The following CTNNBL1 variants were observed in gnomAD, a reference collection of about 807,000 sequenced individuals.
CTNNBL1 encodes beta-catenin-like protein 1.
In CTNNBL1, 31 loss-of-function variants were observed where a neutral mutation model predicts 72.7. The ratio of observed to expected loss-of-function variants is 0.43; its 90% confidence interval spans 0.32 to 0.58. The LOEUF (loss-of-function observed/expected upper bound fraction) is 0.58, where lower values mean the gene tolerates loss of function less well. Among genes scored for constraint, CTNNBL1 ranks in the 20% least tolerant of loss-of-function variants. The pLI is 0.08. For synonymous variants in CTNNBL1, 240 were observed against 267.3 expected (o/e 0.90, Z 1.00); for missense variants, 534 against 725.1 (o/e 0.74, Z 3.03).
chr20:37,796,944 T>C (rs1029686137), intron 10 of CTNNBL1, among the ~76,000 whole-genome samples: 2 of 152,176 alleles, frequency 1.3e-5, no homozygotes, highest in Non-Finnish European at 2.9e-5. Context: ...CATGGCCAAG[T>C]GTGAAGTCTG....
intron 1 of CTNNBL1, among the ~76,000 whole-genome samples, chr20:37,711,075 C>G (rs2072934011): frequency 6.6e-6 from 1 of 152,134 alleles, no homozygotes; most frequent in Non-Finnish European, 1.5e-5. Flanking sequence ...TGTGCCCTAC[C>G]CTAGCTGGAC....
At chr20:37,765,314 T>C in intron 6 of CTNNBL1, 24 bp downstream of exon 6, 2 of 1,432,488 alleles carry the variant, frequency 1.4e-6, no homozygotes, top group African/African-American at 2.8e-5. Context: ...TGCTTGCCAT[T>C]GCCTGAGTTG....
intron 1 of CTNNBL1, among the ~76,000 whole-genome samples, chr20:37,712,999 G>A (rs1259480967): frequency 6.6e-6 from 1 of 152,064 alleles, no homozygotes; most frequent in East Asian, 1.9e-4. Flanking sequence ...AGTTTCAAAG[G>A]GCTGCTAAGC....
At chr20:37,825,110 T>A (rs1295243222) in intron 11 of CTNNBL1, among the ~76,000 whole-genome samples, 1 of 151,932 alleles carries the variant, frequency 6.6e-6, no homozygotes, top group Non-Finnish European at 1.5e-5. Context: ...CCCAGCACTT[T>A]TAGAGACCAA....
intron 13 of CTNNBL1, among the ~76,000 whole-genome samples, chr20:37,853,226 T>G (rs1253007369): frequency 6.6e-6 from 1 of 152,158 alleles, no homozygotes; most frequent in Non-Finnish European, 1.5e-5. Context: ...AAAACATGTC[T>G]CATTGGTCAG....
chr20:37,865,282 G>A (rs1470823252), intron 15 of CTNNBL1, among the ~76,000 whole-genome samples: 1 of 152,208 alleles, frequency 6.6e-6, no homozygotes, highest in African/African-American at 2.4e-5. Context: ...AGCCAGTGCT[G>A]GGATGCAGAG....
At chr20:37,722,418 G>T (rs764738569) in intron 1 of CTNNBL1, among the ~76,000 whole-genome samples, 5 of 151,910 alleles carry the variant, frequency 3.3e-5, no homozygotes, top group Admixed American at 6.6e-5. Context: ...AGGTTTCAGT[G>T]AGCCAAGATC....
intron 7 of CTNNBL1, among the ~76,000 whole-genome samples, chr20:37,770,258 C>T (rs935659423): frequency 1.3e-5 from 2 of 152,082 alleles, no homozygotes; most frequent in East Asian, 1.9e-4. Flanking sequence ...CTCTAAACTC[C>T]GTTTCTTCTT....
rs6122910 is a variant in CTNNBL1 at position 37,720,537 on chromosome 20, A to T, written c.31-12342A>T. 2.8e-3 allele frequency among the ~76,000 whole-genome samples: 429 copies of T among 152,300 alleles called. 5 individuals are homozygous for T. Among genetic ancestry groups the T allele is most frequent in the East Asian group, 0.017 (88 of 5,190 alleles). On this transcript the variant is annotated intron_variant, in intron 1 of 15. Transcript: ENST00000361383. ...ACTAAAAAAAAGGTGGTGGTAAATT[A>T]TTGTTTTGAAAAACAGAAAAATAGT...
At chr20:37,740,312 A>G (rs971930395) in intron 3 of CTNNBL1, among the ~76,000 whole-genome samples, 1 of 152,202 alleles carries the variant, frequency 6.6e-6, no homozygotes, top group African/African-American at 2.4e-5. Context: ...GGTGAAATTA[A>G]GATGAAAATT....
At chr20:37,740,701 C>T (rs907250418) in intron 3 of CTNNBL1, among the ~76,000 whole-genome samples, 1 of 152,192 alleles carries the variant, frequency 6.6e-6, no homozygotes, top group Non-Finnish European at 1.5e-5. Flanking sequence ...AATAGACAAG[C>T]ACACATTTCA....
At chr20:37,781,647 A>G (rs1044901086) in intron 10 of CTNNBL1, among the ~76,000 whole-genome samples, 1 of 152,162 alleles carries the variant, frequency 6.6e-6, no homozygotes, top group Non-Finnish European at 1.5e-5. Context: ...AGACTCCCAA[A>G]TGGAAAGTTT....
At chr20:37,828,348 A>G (rs1056727027) in intron 11 of CTNNBL1, among the ~76,000 whole-genome samples, 117 of 152,308 alleles carry the variant, frequency 7.7e-4, no homozygotes, top group African/African-American at 2.6e-3. Context: ...ACATGAAACT[A>G]TCTCATGACT....
intron 10 of CTNNBL1, among the ~76,000 whole-genome samples, chr20:37,788,319 T>C (rs2073696036): frequency 6.6e-6 from 1 of 152,198 alleles, no homozygotes; most frequent in Non-Finnish European, 1.5e-5. Context: ...GATACACCTT[T>C]GGTTTTCTGT....
chr20:37,859,538 G>A (rs2072471652), intron 13 of CTNNBL1, among the ~76,000 whole-genome samples: 1 of 151,658 alleles, frequency 6.6e-6, no homozygotes, highest in African/African-American at 2.4e-5. Flanking sequence ...ATTTATGGAG[G>A]CCCAAACCAA....
chr20:37,771,684 A>AT (rs2073525857), intron 7 of CTNNBL1, among the ~76,000 whole-genome samples: 1 of 151,650 alleles, frequency 6.6e-6, no homozygotes, highest in African/African-American at 2.4e-5. Context: ...CCTCTCTTCC[A>AT]TTCGTATTTC....
chr20:37,802,022 A>T (rs2073827654), intron 10 of CTNNBL1, among the ~76,000 whole-genome samples: 1 of 152,260 alleles, frequency 6.6e-6, no homozygotes, highest in Non-Finnish European at 1.5e-5. Flanking sequence ...AACCAATTGT[A>T]TTTCTATACG....
At chr20:37,709,200 A>G (rs1189828302) in intron 1 of CTNNBL1, among the ~76,000 whole-genome samples, 1 of 152,220 alleles carries the variant, frequency 6.6e-6, no homozygotes. Context: ...TTCTCTCTGA[A>G]TATATCTGAC....
intron 11 of CTNNBL1, among the ~76,000 whole-genome samples, chr20:37,803,426 T>C (rs1167131784): frequency 2.0e-5 from 3 of 152,208 alleles, no homozygotes; most frequent in Non-Finnish European, 4.4e-5. Context: ...ATTTCTGTAC[T>C]AAAGTATGAT....
Sources: allele counts gnomAD v4.1 joint callset (sites outside exome capture counted in the v4.1 genomes callset), GRCh38; gene constraint gnomAD v4.1.1; transcripts MANE v1.5; gene names NCBI Gene and HGNC (gene_info 2026-07-23, HGNC 2026-07-21).